Variants in NREP observed in about 807,000 individuals in gnomAD.
The protein encoded by NREP is neuronal regeneration-related protein.
In NREP, 5 loss-of-function variants were observed where a neutral mutation model predicts 8.6. The observed-to-expected ratio is 0.58, with a 90% CI of 0.30 to 1.22. The LOEUF (loss-of-function observed/expected upper bound fraction) is 1.22, where lower values mean the gene tolerates loss of function less well. Among genes scored for constraint, NREP ranks in the 50% most tolerant of loss-of-function variants. NREP has a pLI of 0.07. For synonymous variants in NREP, 27 were observed against 28.0 expected, an observed-to-expected ratio of 0.96 and a Z score of 0.11; for missense variants, 86 against 82.5, an observed-to-expected ratio of 1.04 and a Z score of -0.17.
chr5:111,732,744 C>T (rs1254271746), intron 3 of NREP: 1 of 151,596 alleles, frequency 6.6e-6, no homozygotes, highest in Non-Finnish European at 1.5e-5. Flanking sequence ...CCTCACCCCA[C>T]AGTCAACCAG....
chr5:111,806,284 C>T (rs1581131412), intron 2 of NREP, among the ~76,000 whole-genome samples: 2 of 152,088 alleles, frequency 1.3e-5, no homozygotes, highest in East Asian at 1.9e-4. Context: ...GTACTGCTAC[C>T]TCTGATGGCA....
chr5:111,870,773 T>A (rs1010045842), intron 2 of NREP, among the ~76,000 whole-genome samples: 1 of 151,828 alleles, frequency 6.6e-6, no homozygotes, highest in African/African-American at 2.4e-5. Flanking sequence ...AGGCAGAGAT[T>A]GGAGATATGC....
upstream of NREP, chr5:111,757,633 C>T: frequency 1.0e-6 from 1 of 983,178 alleles, no homozygotes; most frequent in Non-Finnish European, 1.2e-6. Context: ...ACACCCCGCA[C>T]CCGCGCCCCG....
At chr5:111,817,964 C>T (rs1354252142) in intron 2 of NREP, among the ~76,000 whole-genome samples, 1 of 151,988 alleles carries the variant, frequency 6.6e-6, no homozygotes, top group Non-Finnish European at 1.5e-5. Flanking sequence ...AAAAATATTA[C>T]ATCACATCAT....
chr5:111,959,600 A>G (rs1756427193), intron 2 of NREP, among the ~76,000 whole-genome samples: 1 of 152,052 alleles, frequency 6.6e-6, no homozygotes, highest in Admixed American at 6.5e-5. Flanking sequence ...TCAAATTAAA[A>G]CAATATACGA....
chr5:111,737,618 A>G (rs1299169017), intron 2 of NREP, among the ~76,000 whole-genome samples: 1 of 152,030 alleles, frequency 6.6e-6, no homozygotes, highest in Non-Finnish European at 1.5e-5. Flanking sequence ...TCATTACTAA[A>G]ACCACCAAAG....
At chr5:111,832,863 G>C (rs1435233551) in intron 2 of NREP, among the ~76,000 whole-genome samples, 1 of 152,134 alleles carries the variant, frequency 6.6e-6, no homozygotes, top group African/African-American at 2.4e-5. Context: ...AACAAACGGG[G>C]CAAGTTGGAC....
intron 2 of NREP, among the ~76,000 whole-genome samples, chr5:111,748,352 G>A (rs1029570745): frequency 1.1e-4 from 16 of 152,230 alleles, no homozygotes; most frequent in African/African-American, 3.4e-4. Flanking sequence ...CGGAATGCCT[G>A]ACTTATAACC....
intron 2 of NREP, among the ~76,000 whole-genome samples, chr5:111,959,246 G>C (rs1301545745): frequency 1.3e-5 from 2 of 151,970 alleles, no homozygotes; most frequent in Admixed American, 1.3e-4. Flanking sequence ...GTTCACTTAT[G>C]TACATTTTTA....
chr5:111,941,660 T>C lies in NREP; in HGVS notation c.135+33614A>G, dbSNP rs116354903. On this transcript the variant is annotated intron_variant, in intron 2 of 3. Coordinates refer to the NREP transcript ENST00000395634. ...GACATAGTTCTGCTCCTAACACTTT[T>C]ACATTTGATGAATGCAAGCCTATTA... Among the ~76,000 whole-genome samples, 877 of 152,210 alleles carry C rather than the reference T, an allele frequency of 5.8e-3. 5 individuals are homozygous for C. Among genetic ancestry groups the C allele is most frequent in the Non-Finnish European group, 9.6e-3 (653 of 67,974 alleles).
intron 2 of NREP, among the ~76,000 whole-genome samples, chr5:111,736,345 A>G (rs1277167268): frequency 6.6e-6 from 1 of 152,204 alleles, no homozygotes; most frequent in Non-Finnish European, 1.5e-5. Flanking sequence ...AGAATCCAAC[A>G]ACCATCTGTC....
At chr5:111,957,240 G>A (rs1313366303) in intron 2 of NREP, among the ~76,000 whole-genome samples, 2 of 151,846 alleles carry the variant, frequency 1.3e-5, no homozygotes, top group Non-Finnish European at 2.9e-5. Flanking sequence ...AGTTATAATT[G>A]TGATTTGATA....
intron 2 of NREP, among the ~76,000 whole-genome samples, chr5:111,866,136 C>A (rs948075882): frequency 3.7e-4 from 56 of 152,126 alleles, no homozygotes; most frequent in African/African-American, 1.3e-3. Flanking sequence ...GCAACAAAAG[C>A]CAAAATGGAC....
At chr5:111,900,224 A>G in intron 2 of NREP, among the ~76,000 whole-genome samples, 1 of 152,144 alleles carries the variant, frequency 6.6e-6, no homozygotes, top group South Asian at 2.1e-4. Flanking sequence ...ATTTAAAAAT[A>G]TTAAAACAAG....
At chr5:111,767,782 C>A (rs2112869558) in intron 2 of NREP, among the ~76,000 whole-genome samples, 1 of 152,260 alleles carries the variant, frequency 6.6e-6, no homozygotes, top group Admixed American at 6.5e-5. Flanking sequence ...CCTCCCACCT[C>A]AGCCTCCTGA....
intron 2 of NREP, among the ~76,000 whole-genome samples, chr5:111,747,165 A>G (rs1750061307): frequency 2.6e-5 from 4 of 152,160 alleles, no homozygotes; most frequent in African/African-American, 9.7e-5. Flanking sequence ...GGTCATGTTT[A>G]TAAGCACCTT....
At chr5:111,936,649 T>C (rs1179647748) in intron 2 of NREP, among the ~76,000 whole-genome samples, 1 of 152,124 alleles carries the variant, frequency 6.6e-6, no homozygotes, top group African/African-American at 2.4e-5. Context: ...TATTCAACCC[T>C]GTACAAAGGC....
intron 2 of NREP, chr5:111,755,373 A>G (rs1581087150): frequency 4.7e-6 from 1 of 211,294 alleles, no homozygotes; most frequent in East Asian, 9.9e-5. Flanking sequence ...TCAGCTGGAC[A>G]GACTCCTCAG....
At chr5:111,849,381 A>G (rs1450942874) in intron 2 of NREP, among the ~76,000 whole-genome samples, 1 of 152,140 alleles carries the variant, frequency 6.6e-6, no homozygotes, top group Non-Finnish European at 1.5e-5. Flanking sequence ...GGAGGAGAGT[A>G]AAGAGAGGTG....
Sources: gnomAD v4.1 joint callset for allele counts (sites outside exome capture counted in the v4.1 genomes callset) on GRCh38, gnomAD v4.1.1 for gene constraint, MANE v1.5 for transcripts, NCBI Gene and HGNC (gene_info 2026-07-23, HGNC 2026-07-21) for gene names.